The following TGM2 variants were observed in gnomAD, a reference collection of about 807,000 sequenced individuals.
TGM2 encodes the protein transglutaminase 2.
TGM2 carries 53 observed loss-of-function variants against 75.6 expected under a neutral mutation model. The ratio of observed to expected loss-of-function variants is 0.70; its 90% CI spans 0.56 to 0.88. TGM2 has a LOEUF of 0.88. Among genes scored for constraint, TGM2 ranks in the 40% least tolerant of loss-of-function variants. The pLI is 0.00. For synonymous variants in TGM2, 374 were observed against 381.1 expected (o/e 0.98, Z 0.22); for missense variants, 842 against 928.5 (o/e 0.91, Z 1.21).
chr20:38,158,710 A>T (rs2075217268), intron 2 of TGM2, among the ~76,000 whole-genome samples: 1 of 152,164 alleles, frequency 6.6e-6, no homozygotes, highest in Non-Finnish European at 1.5e-5. Flanking sequence ...CACAACATCT[A>T]AGAATGTGTG....
chr20:38,154,795 G>A (rs1281970606), intron 3 of TGM2, among the ~76,000 whole-genome samples: 1 of 151,968 alleles, frequency 6.6e-6, no homozygotes, highest in African/African-American at 2.4e-5. Context: ...ACCAGTCTGG[G>A]TGAGATTTAA....
At chr20:38,149,072 G>A (rs1235294684) in intron 4 of TGM2, among the ~76,000 whole-genome samples, 1 of 152,148 alleles carries the variant, frequency 6.6e-6, no homozygotes, top group Non-Finnish European at 1.5e-5. Context: ...ATCTCTTGGG[G>A]CTCCTTCACA....
chr20:38,158,922 G>T (rs573967408), intron 2 of TGM2, among the ~76,000 whole-genome samples: 1 of 152,302 alleles, frequency 6.6e-6, no homozygotes, highest in South Asian at 2.1e-4. Context: ...AGGCTTCTCC[G>T]GGCCCCGGGA....
At chr20:38,142,484 G>C (rs1269872880) in intron 6 of TGM2, among the ~76,000 whole-genome samples, 1 of 152,180 alleles carries the variant, frequency 6.6e-6, no homozygotes, top group Non-Finnish European at 1.5e-5. Context: ...AGGCCGAGGG[G>C]GGCCTGAGGT....
intron 11 of TGM2, 145 bp downstream of exon 11, chr20:38,132,195 G>A (rs576385717): frequency 6.9e-6 from 6 of 872,524 alleles, no homozygotes; most frequent in African/African-American, 3.4e-5. Context: ...GCTTTTCTTC[G>A]ATGAGGCTAG....
intron 7 of TGM2, 35 bp from the exon 8 acceptor site, chr20:38,141,420 C>G: frequency 1.0e-5 from 15 of 1,468,162 alleles, no homozygotes; most frequent in African/African-American, 1.4e-5. Flanking sequence ...TGAAGCAGAA[C>G]ATGAGCAACA....
intron 11 of TGM2, among the ~76,000 whole-genome samples, chr20:38,131,623 G>T (rs1468683238): frequency 6.6e-6 from 1 of 152,122 alleles, no homozygotes; most frequent in Non-Finnish European, 1.5e-5. Flanking sequence ...CTGACTGAGG[G>T]TTCTTGTGAG....
Position 38,141,402 on chromosome 20 carries a change from G to A in TGM2, c.996-17C>T. On this transcript the variant is annotated splice_polypyrimidine_tract_variant and intron_variant, in intron 7 of 12. Coordinates refer to ENST00000361475, the MANE Select transcript of TGM2 (RefSeq NM_004613.4). ...TGGAAGTTCCTGAGGGGGATAGGGG[G>A]GCGGGAATGAAGCAGAACATGAGCA... is the stretch of plus-strand genomic sequence containing the variant. The A allele has an allele frequency of 6.5e-7, 1 of 1,550,176 alleles. No homozygotes were observed. Among genetic ancestry groups the A allele is most frequent in the Non-Finnish European group, 8.8e-7 (1 of 1,141,668 alleles).
In TGM2 at chr20:38,139,528, T is replaced by A. The variant is rs748447407; in HGVS notation, c.1226A>T (p.Asp409Val). 1 of 1,614,178 alleles carries A rather than the reference T, an allele frequency of 6.2e-7. No individual in the cohort carries two copies. Among genetic ancestry groups the A allele is most frequent in the Non-Finnish European group, 8.5e-7 (1 of 1,180,030 alleles). Residue 409 changes from aspartate (D) to valine (V), a missense_variant, in exon 9 of 13, where the codon GAT (aspartate) becomes GTT (valine). Physicochemically the swap from Asp to Val is radical, Grantham distance 152 (BLOSUM62 -3). Transcript: ENST00000361475. ...ADVVDWIQQDDGSVHKSINRS... is the reference protein window; with the variant it reads ...ADVVDWIQQDVGSVHKSINRS... ...GTTGATGGATTTGTGCACAGACCCA[T>A]CGTCCTGCTGGATCCAGTCTACCAC...
At chr20:38,138,673 T>C (rs548579008) in intron 9 of TGM2, among the ~76,000 whole-genome samples, 2 of 152,356 alleles carry the variant, frequency 1.3e-5, no homozygotes, top group South Asian at 4.1e-4. Context: ...CTTCTTGAGC[T>C]GCTCGAGGGC....
intron 4 of TGM2, among the ~76,000 whole-genome samples, chr20:38,148,446 T>A (rs1217503314): frequency 2.6e-5 from 4 of 152,162 alleles, no homozygotes. Flanking sequence ...CTTTCTCCTC[T>A]TGCTCAGCCA....
chr20:38,139,696 GT>G (rs956106194), intron 8 of TGM2, 42 bp from the exon 9 acceptor site: 4 of 1,612,076 alleles, frequency 2.5e-6, no homozygotes, highest in Non-Finnish European at 8.5e-7. Flanking sequence ...CTGGGTGAAG[GT>G]TGGGTGGTGT....
chr20:38,133,973 T>C (rs934681849), intron 10 of TGM2, among the ~76,000 whole-genome samples: 11 of 152,134 alleles, frequency 7.2e-5, no homozygotes, highest in Admixed American at 5.9e-4. Context: ...GCATATTCAA[T>C]TCTGGCCAGA....
Position 38,131,102 on chromosome 20 carries a change from G to A in TGM2, c.1904C>T (p.Thr635Met), listed in dbSNP as rs547350980. 48 of 1,612,396 alleles carry A rather than the reference G, an allele frequency of 3.0e-5. No individual in the cohort carries two copies. The highest frequency in any genetic ancestry group is 8.9e-5 in the East Asian group (4 of 44,876). ...AGCAGCCAGCACTTACATCTCCACC[G>A]TCTTCTGCTCCTCAGTCAGGCCGGC... The part of the protein sequence containing the change: ...EGAGLTEEQK[T>M]VEIPDPVEAG... Residue 635 changes from threonine (T) to methionine (M), a missense_variant, in exon 12 of 13, where the codon ACG (threonine) becomes ATG (methionine). Physicochemically the swap from Thr to Met is moderately conservative, Grantham distance 81. Transcript: ENST00000361475.
At chr20:38,142,644 G>A (rs2074990473) in intron 6 of TGM2, among the ~76,000 whole-genome samples, 1 of 152,234 alleles carries the variant, frequency 6.6e-6, no homozygotes, top group African/African-American at 2.4e-5. Flanking sequence ...GGGAGGCGGA[G>A]GTTGTGGTGA....
intron 1 of TGM2, 136 bp downstream of exon 1, chr20:38,165,053 A>T: frequency 7.8e-7 from 1 of 1,285,102 alleles, no homozygotes. Flanking sequence ...TCCAAGCAGC[A>T]TTGAGACGCC....
At chr20:38,146,669 C>A in intron 6 of TGM2, 48 bp downstream of exon 6, 1 of 1,608,568 alleles carries the variant, frequency 6.2e-7, no homozygotes, top group Non-Finnish European at 8.5e-7. Flanking sequence ...CAGTGCTCTT[C>A]GTGCCCCCTC....
At chr20:38,155,666 C>T (rs537227494) in intron 3 of TGM2, among the ~76,000 whole-genome samples, 181 bp downstream of exon 3, 3 of 152,260 alleles carry the variant, frequency 2.0e-5, no homozygotes, top group African/African-American at 7.2e-5. Context: ...TTTCTATAAA[C>T]AGGGATAACA....
At chr20:38,158,213 TTCTC>T (rs2075210963) in intron 2 of TGM2, among the ~76,000 whole-genome samples, 1 of 152,220 alleles carries the variant, frequency 6.6e-6, no homozygotes, top group African/African-American at 2.4e-5. Flanking sequence ...GCATTTCCCT[TTCTC>T]TCTATCTTGG....
Sources: gnomAD v4.1 joint callset for allele counts (sites outside exome capture counted in the v4.1 genomes callset) on GRCh38, gnomAD v4.1.1 for gene constraint, MANE v1.5 for transcripts, NCBI Gene and HGNC (gene_info 2026-07-23, HGNC 2026-07-21) for gene names.